HLX: variants seen among roughly 807,000 people sequenced by gnomAD.
HLX encodes H2.0-like homeobox protein.
Under a neutral mutation model 27.7 loss-of-function variants are expected in HLX, and 6 were observed. That is an observed-to-expected ratio of 0.22 (90% CI 0.12 to 0.43). HLX has a LOEUF of 0.43. HLX is among the 20% of genes least tolerant of loss of function. HLX has a pLI of 1.00. For synonymous variants in HLX, 328 were observed against 293.8 expected (o/e 1.12, Z -1.19); for missense variants, 666 against 655.2 (o/e 1.02, Z -0.18).
chr1:220,882,314 A>C lies in HLX; in HGVS notation c.923A>C (p.Gln308Pro), dbSNP rs1164807105. Residue 308 changes from glutamine to proline, a missense_variant, in exon 3 of 4, where the codon CAG becomes CCG. Coordinates refer to ENST00000366903, the MANE Select transcript of HLX (RefSeq NM_021958.4). ...QKYVTKPDRK[Q>P]LAAMLGLTDA... The stretch of plus-strand genomic sequence containing the variant: ...TACGTGACCAAGCCGGACCGAAAGC[A>C]GCTGGCGGCGATGCTGGGCCTCACG... 1 of 1,614,274 alleles carries C rather than the reference A, an allele frequency of 6.2e-7. No individual in the cohort carries two copies. The highest frequency in any genetic ancestry group is 8.5e-7 in the Non-Finnish European group (1 of 1,180,042).
chr1:220,880,743 G>T, intron 1 of HLX: 1 of 517,616 alleles, frequency 1.9e-6, no homozygotes, highest in Non-Finnish European at 3.4e-6. Context: ...CTTTAATAAT[G>T]TATCTAGAGA....
chr1:220,882,611 C>G, intron 3 of HLX: 1 of 495,682 alleles, frequency 2.0e-6, no homozygotes, highest in East Asian at 3.5e-5. Context: ...GGCCAACAGG[C>G]TAAAGAACCA....
Position 220,880,168 on chromosome 1 carries a change from T to G in HLX, c.311T>G (p.Val104Gly). 6.2e-7 allele frequency: 1 copy of G among 1,612,950 alleles called. No individual in the cohort carries two copies. Among genetic ancestry groups the G allele is most frequent in the African/African-American group, 1.3e-5 (1 of 75,024 alleles). The change falls in exon 1 of 4, where the codon GTC (valine) becomes GGC (glycine). Residue 104 changes from valine (V) to glycine (G), a missense_variant. Coordinates refer to ENST00000366903, the MANE Select transcript of HLX (RefSeq NM_021958.4). ...RPTPVVAPSE[V>G]PAGFPQRLSP... ...ACCCCAGTGGTGGCGCCCTCCGAAG[T>G]CCCGGCTGGCTTCCCGCAGCGGCTG...
intron 1 of HLX, chr1:220,880,909 T>A: frequency 2.2e-6 from 1 of 453,884 alleles, no homozygotes; most frequent in Admixed American, 4.0e-5. Flanking sequence ...AGGTTTTGCG[T>A]CTGTGGCGTT....
intron 2 of HLX, chr1:220,881,794 A>G: frequency 2.5e-6 from 1 of 400,278 alleles, no homozygotes; most frequent in Admixed American, 3.6e-5. Context: ...ACACACACAC[A>G]CACACACACA....
In HLX at chr1:220,880,078, C is replaced by A; in HGVS notation, c.221C>A (p.Ala74Glu). Reference protein sequence around the residue: ...LAGASAAALTAHLGSVHPHAS... With the variant: ...LAGASAAALTEHLGSVHPHAS... ...GGGGCCTCGGCCGCCGCCCTCACCG[C>A]GCACTTGGGCTCGGTTCACCCGCAC... Residue 74 changes from alanine to glutamate, a missense_variant, in exon 1 of 4, where the codon GCG becomes GAG. By Grantham distance (107) the Ala-to-Glu change is moderately radical. Coordinates refer to ENST00000366903, the MANE Select transcript of HLX (RefSeq NM_021958.4). 6.3e-7 allele frequency: 1 copy of A among 1,592,252 alleles called. No homozygotes were observed. Among genetic ancestry groups the A allele is most frequent in the Non-Finnish European group, 8.5e-7 (1 of 1,172,534 alleles).
chr1:220,880,780 G>A (rs1248382939), intron 1 of HLX: 11 of 418,146 alleles, frequency 2.6e-5, no homozygotes, highest in Non-Finnish European at 4.7e-5. Context: ...GACAGCTAAA[G>A]CATTTTTGGG....
Position 220,879,707 on chromosome 1 carries a change from TC to T in HLX, c.-148del. 8.1e-7 allele frequency: 1 copy of T among 1,234,386 alleles called. No individual in the cohort carries two copies. Among genetic ancestry groups the T allele is most frequent in the South Asian group, 1.7e-5 (1 of 59,248 alleles). The allele number at this position is 1,234,386 out of a possible 1,614,324, so 76.5% of individuals were successfully genotyped here. Reference sequence around the variant, plus strand: ...CCTCCTCCCTCGGTGGCGCTAGGGCTCCCGGCCTCTCTTCCTCAGTGCGGGC... The same window carrying T: ...CCTCCTCCCTCGGTGGCGCTAGGGCTCCGGCCTCTCTTCCTCAGTGCGGGC... On this transcript the variant is annotated 5_prime_UTR_variant, in exon 1 of 4. Transcript: ENST00000366903.
Position 220,882,445 on chromosome 1 carries a change from C to CT in HLX, c.957+98dup, listed in dbSNP as rs994092091. On this transcript the variant is annotated intron_variant, in intron 3 of 3. Coordinates refer to ENST00000366903, the MANE Select transcript of HLX (RefSeq NM_021958.4). The stretch of plus-strand genomic sequence containing the variant: ...CCCTCCATCCCGGCCGACTGGCCTC[C>CT]TGCGGTGCAAACGCAAGATCTTGAC... 1.3e-5 allele frequency: 15 copies of CT among 1,119,244 alleles called. No individual in the cohort carries two copies. In the African/African-American group the frequency reaches 2.2e-4, roughly 16 times the overall value. 69.3% of individuals were successfully genotyped at this position (1,119,244 alleles called of 1,614,324 possible). A position where few individuals can be genotyped will look rare whatever the true frequency, so the allele number is the denominator to read the frequency against.
In HLX at chr1:220,880,306, CG is replaced by C; in HGVS notation, c.451del (p.Ala151ProfsTer46). 4 of 1,613,444 alleles carry C rather than the reference CG, an allele frequency of 2.5e-6. No individual in the cohort carries two copies. The highest frequency in any genetic ancestry group is 3.4e-6 in the Non-Finnish European group (4 of 1,179,576). On this transcript the variant is annotated frameshift_variant, in exon 1 of 4. Coordinates refer to ENST00000366903, the MANE Select transcript of HLX (RefSeq NM_021958.4). LOFTEE classifies it high-confidence loss of function. Reference sequence around the variant, plus strand: ...CCCCGGGCTGGCGCCCTGCAGCCCCCGGCCTCGGGGACGCGAGTGGTTCCGA... The same window carrying C: ...CCCCGGGCTGGCGCCCTGCAGCCCCCGCCTCGGGGACGCGAGTGGTTCCGA... ...PPPRAGALQPPASGTRVVPNP... is the reference protein window; with the variant it reads ...PPPRAGALQPXASGTRVVPNP...
rs1304106350 is a variant in HLX, at chr1:220,884,638, A to G, written c.1401A>G (p.Thr467=). 11 of 1,610,554 alleles carry G rather than the reference A, an allele frequency of 6.8e-6. No homozygotes were observed. The highest frequency in any genetic ancestry group is 8.5e-6 in the Non-Finnish European group (10 of 1,179,184). ...GGGASELLPA[T]QPTASSAPKS... ...GCGCCTCGGAGCTTCTCCCTGCAAC[A>G]CAGCCCACAGCCAGCAGCGCTCCCA... Residue 467 remains threonine (T), a synonymous_variant, in exon 4 of 4, where the codon ACA becomes ACG. Coordinates refer to ENST00000366903, the MANE Select transcript of HLX (RefSeq NM_021958.4). This position sits in a 1 kb window ranked among gnomAD's most constrained non-coding sequence, Gnocchi z 4.9.
In HLX at chr1:220,880,340, C is replaced by T. The variant is rs375008910; in HGVS notation, c.483C>T (p.His161=). ...ASGTRVVPNP[H]HSGSAPAPSS... ...GGACGCGAGTGGTTCCGAACCCCCA[C>T]CACAGTGGCTCTGCCCCGGCCCCCT... The change falls in exon 1 of 4, where the codon CAC becomes CAT. Residue 161 remains histidine (H), a synonymous_variant. Transcript: ENST00000366903. 3.7e-6 allele frequency: 6 copies of T among 1,614,012 alleles called. No homozygotes were observed. Among genetic ancestry groups the T allele is most frequent in the African/African-American group, 2.7e-5 (2 of 74,950 alleles).
rs1674434339 is a variant in HLX, at chr1:220,881,392, G to C, written c.772+19G>C. On this transcript the variant is annotated intron_variant, in intron 2 of 3. Transcript: ENST00000366903. ...TTTCCAGGTACGGAAAAACTCCAGA[G>C]TACTGCCTAACGGGCGAGCCGACTA... 3.7e-6 allele frequency: 6 copies of C among 1,603,870 alleles called. No individual in the cohort carries two copies. In the African/African-American group the frequency reaches 8.0e-5, roughly 21 times the overall value.
chr1:220,882,389 G>T, intron 3 of HLX, 41 bp downstream of exon 3: 1 of 1,597,376 alleles, frequency 6.3e-7, no homozygotes, highest in Non-Finnish European at 8.6e-7. Flanking sequence ...CCCTCGGGCG[G>T]GCAGCAGCGC....
chr1:220,884,944 G>A lies in HLX; in HGVS notation c.*240G>A. On this transcript the variant is annotated 3_prime_UTR_variant, in exon 4 of 4. Transcript: ENST00000366903. The surrounding 1 kb of genome is among the most constrained non-coding windows in gnomAD (Gnocchi z 4.9). The stretch of plus-strand genomic sequence containing the variant: ...AACACTTCTCTCCGGAAGCAGGCTG[G>A]TTCGACTGTGAGGTGTTTGACTAAA... 1.6e-6 allele frequency: 1 copy of A among 636,276 alleles called. No individual in the cohort carries two copies. Among genetic ancestry groups the A allele is most frequent in the Non-Finnish European group, 2.6e-6 (1 of 377,524 alleles). The allele number at this position is 636,276 out of a possible 1,614,324, so 39.4% of individuals were successfully genotyped here.
rs1674535545 is a variant in HLX at position 220,884,818 on chromosome 1, C to T, written c.*114C>T. 2 of 1,467,636 alleles carry T rather than the reference C, an allele frequency of 1.4e-6. No individual in the cohort carries two copies. Among genetic ancestry groups the T allele is most frequent in the Admixed American group, 2.1e-5 (1 of 46,554 alleles). The allele number at this position is 1,467,636 out of a possible 1,614,324, so 90.9% of individuals were successfully genotyped here. ...GTAGGGCAGGAGACGCAGCGTGGAG[C>T]CTACCTCCCGACATTCACGCTTCGC... is the stretch of plus-strand genomic sequence containing the variant. On this transcript the variant is annotated 3_prime_UTR_variant, in exon 4 of 4. Coordinates refer to ENST00000366903, the MANE Select transcript of HLX (RefSeq NM_021958.4). The surrounding 1 kb of genome is among the most constrained non-coding windows in gnomAD (Gnocchi z 4.9).
rs1013994658 is a variant in HLX, at chr1:220,879,945, T to G, written c.88T>G (p.Cys30Gly). The G allele has an allele frequency of 1.3e-6, 2 of 1,598,582 alleles. No individual in the cohort carries two copies. The highest frequency in any genetic ancestry group is 4.5e-5 in the East Asian group (2 of 44,776). ...AYCSSAGPGG[C>G]SFPLDPAAVK... ...CTGCTCCTCGGCCGGCCCAGGCGGC[T>G]GCTCCTTCCCCTTGGACCCCGCCGC... The change falls in exon 1 of 4, where the codon TGC (cysteine) becomes GGC (glycine). Residue 30 changes from cysteine to glycine, a missense_variant. Cys to Gly is a radical substitution (Grantham distance 159). Transcript: ENST00000366903.
chr1:220,880,720 A>G lies in HLX; in HGVS notation c.592+271A>G, dbSNP rs946214683. 5 of 563,732 alleles carry G rather than the reference A, an allele frequency of 8.9e-6. No individual in the cohort carries two copies. In the Admixed American group the frequency reaches 1.2e-4, roughly 14 times the overall value. The allele number at this position is 563,732 out of a possible 1,614,324, so 34.9% of individuals were successfully genotyped here. The stretch of plus-strand genomic sequence containing the variant: ...GTGGTTGGTGTAATTATCTGCTAAC[A>G]TGACTTTGATCTCTTTAATAATGTA... On this transcript the variant is annotated intron_variant, in intron 1 of 3. Coordinates refer to ENST00000366903, the MANE Select transcript of HLX (RefSeq NM_021958.4).
chr1:220,881,506 G>T (rs918751020), intron 2 of HLX, 133 bp downstream of exon 2: 14 of 815,304 alleles, frequency 1.7e-5, no homozygotes, highest in Non-Finnish European at 2.3e-5. Flanking sequence ...AGTCAGGAGA[G>T]AGAAACCGAA....
Sources: allele counts gnomAD v4.1 joint callset, GRCh38; gene constraint gnomAD v4.1.1; non-coding constraint Gnocchi (gnomAD v3.1); transcripts MANE v1.5; gene names NCBI Gene and HGNC (gene_info 2026-07-23, HGNC 2026-07-21).